The following MAF variants were observed in gnomAD, a reference collection of about 807,000 sequenced individuals.
MAF encodes MAF bZIP transcription factor.
In MAF, 10 loss-of-function variants were observed where a neutral mutation model predicts 22.0. The ratio of observed to expected loss-of-function variants is 0.45; its 90% CI spans 0.28 to 0.77. The LOEUF is 0.77. MAF is among the 30% of genes least tolerant of loss of function. MAF has a pLI of 0.12. For synonymous variants in MAF, 337 were observed against 255.8 expected (o/e 1.32, Z -3.03); for missense variants, 544 against 548.4 (o/e 0.99, Z 0.08).
the MAF span, among the ~76,000 whole-genome samples, chr16:79,250,837 G>C: frequency 0.12 from 18,654 of 152,186 alleles, 1,414 homozygotes; most frequent in Middle Eastern, 0.19. Context: ...ATCCCAGTTT[G>C]CCTGGGACCA....
chr16:79,575,665 T>A, the MAF span, among the ~76,000 whole-genome samples: 1 of 152,158 alleles, frequency 6.6e-6, no homozygotes. Context: ...ACAAAGCAGA[T>A]GTGCAAAAAG....
At chr16:79,286,550 A>C in the MAF span, among the ~76,000 whole-genome samples, 1 of 152,224 alleles carries the variant, frequency 6.6e-6, no homozygotes, top group African/African-American at 2.4e-5. Flanking sequence ...GCACACGTGT[A>C]TATGTGCATG....
At chr16:79,515,012 A>G in the MAF span, among the ~76,000 whole-genome samples, 2 of 152,192 alleles carry the variant, frequency 1.3e-5, no homozygotes, top group African/African-American at 4.8e-5. Context: ...AAGATGCTTC[A>G]TACTGGCTGA....
the MAF span, among the ~76,000 whole-genome samples, chr16:79,496,089 G>A: frequency 1.3e-5 from 2 of 152,174 alleles, no homozygotes; most frequent in Non-Finnish European, 2.9e-5. Context: ...GCTAAGCTAT[G>A]CCCAACTTCC....
At chr16:79,572,231 C>G in the MAF span, among the ~76,000 whole-genome samples, 1 of 152,144 alleles carries the variant, frequency 6.6e-6, no homozygotes, top group Non-Finnish European at 1.5e-5. Flanking sequence ...AGTCTGGTAG[C>G]AACACCACAG....
chr16:79,379,826 G>C, the MAF span, among the ~76,000 whole-genome samples: 1 of 152,164 alleles, frequency 6.6e-6, no homozygotes, highest in Non-Finnish European at 1.5e-5. Flanking sequence ...CTCTGTGCTT[G>C]AGGAGGCTTT....
chr16:79,369,720 C>T, the MAF span, among the ~76,000 whole-genome samples: 1 of 152,168 alleles, frequency 6.6e-6, no homozygotes, highest in Non-Finnish European at 1.5e-5. Flanking sequence ...GGCCAGAGGG[C>T]AATCTTACAA....
At chr16:79,561,768 G>A in the MAF span, among the ~76,000 whole-genome samples, 3 of 152,146 alleles carry the variant, frequency 2.0e-5, no homozygotes, top group East Asian at 1.9e-4. Flanking sequence ...ACACACTTCC[G>A]AATGAAACTC....
At chr16:79,243,971 G>C in the MAF span, among the ~76,000 whole-genome samples, 3 of 152,010 alleles carry the variant, frequency 2.0e-5, no homozygotes, top group Non-Finnish European at 2.9e-5. Context: ...AAAACCACGT[G>C]TTTATCTCAG....
At chr16:79,568,989 C>A in the MAF span, among the ~76,000 whole-genome samples, 1 of 152,178 alleles carries the variant, frequency 6.6e-6, no homozygotes, top group African/African-American at 2.4e-5. Flanking sequence ...GTTTATGTCA[C>A]TAAATTAGTC....
chr16:79,532,796 G>A, the MAF span, among the ~76,000 whole-genome samples: 1 of 152,186 alleles, frequency 6.6e-6, no homozygotes, highest in Non-Finnish European at 1.5e-5. Flanking sequence ...GAATCACTGA[G>A]TACCTCAGAT....
chr16:79,268,827 T>A, the MAF span, among the ~76,000 whole-genome samples: 1 of 152,190 alleles, frequency 6.6e-6, no homozygotes, highest in Non-Finnish European at 1.5e-5. Flanking sequence ...ACAAGCCGCA[T>A]TGTCAGATGC....
chr16:79,482,313 G>C, the MAF span, among the ~76,000 whole-genome samples: 7 of 152,266 alleles, frequency 4.6e-5, no homozygotes, highest in African/African-American at 1.4e-4. Context: ...TGTTGGGGAA[G>C]TGTGGAGAGC....
the MAF span, among the ~76,000 whole-genome samples, chr16:79,426,032 C>G: frequency 2.6e-3 from 395 of 152,256 alleles, 5 homozygotes; most frequent in African/African-American, 9.1e-3. Flanking sequence ...CAGTGAAACC[C>G]TGTCTCTACT....
chr16:79,371,073 T>C, the MAF span, among the ~76,000 whole-genome samples: 1 of 152,204 alleles, frequency 6.6e-6, no homozygotes, highest in African/African-American at 2.4e-5. Context: ...CTGAAGTCAC[T>C]TAAGGGTACT....
the MAF span, among the ~76,000 whole-genome samples, chr16:79,564,181 G>T: frequency 6.6e-6 from 1 of 152,180 alleles, no homozygotes; most frequent in African/African-American, 2.4e-5. Flanking sequence ...GTCCTGGCAG[G>T]GCAGCGTTCC....
At chr16:79,510,076 C>T in the MAF span, among the ~76,000 whole-genome samples, 1 of 152,330 alleles carries the variant, frequency 6.6e-6, no homozygotes, top group East Asian at 1.9e-4. Context: ...CTGCCATTTA[C>T]TAGCTCGGCG....
the MAF span, among the ~76,000 whole-genome samples, chr16:79,213,153 T>C: frequency 1.3e-5 from 2 of 152,160 alleles, no homozygotes; most frequent in Non-Finnish European, 2.9e-5. Flanking sequence ...AAGTCCACTC[T>C]GGCAAGACGG....
chr16:79,414,169 A>C, the MAF span, among the ~76,000 whole-genome samples: 1 of 152,176 alleles, frequency 6.6e-6, no homozygotes, highest in South Asian at 2.1e-4. Context: ...CAGACACTAA[A>C]CCAAGTGTGA....
Sources: allele counts gnomAD v4.1 joint callset (sites outside exome capture counted in the v4.1 genomes callset), GRCh38; gene constraint gnomAD v4.1.1; transcripts MANE v1.5; gene names NCBI Gene and HGNC (gene_info 2026-07-23, HGNC 2026-07-21).